DIP2C: variants seen among roughly 807,000 people sequenced by gnomAD.
DIP2C encodes DIP2 acetate--CoA ligase C (putative), also known as disco-interacting protein 2 homolog C.
In DIP2C, 33 loss-of-function variants were observed where a neutral mutation model predicts 192.4. The observed-to-expected ratio is 0.17, with a 90% CI of 0.13 to 0.23. The LOEUF (loss-of-function observed/expected upper bound fraction) is 0.23. Ranked by LOEUF, DIP2C falls within the 10% of genes least tolerant of loss-of-function variation. DIP2C has a pLI of 1.00. For missense variants in DIP2C, 1,537 were observed against 2,110.1 expected, an observed-to-expected ratio of 0.73 and a Z score of 5.32; for synonymous variants, 979 against 864.1, an observed-to-expected ratio of 1.13 and a Z score of -2.33.
Position 651,435 on chromosome 10 carries a change from C to T in DIP2C, c.85+38059G>A, listed in dbSNP as rs576601241. On this transcript the variant is annotated intron_variant, in intron 1 of 36. Coordinates refer to ENST00000280886, the MANE Select transcript of DIP2C (RefSeq NM_014974.3). The surrounding 1 kb of genome is among the most constrained non-coding windows in gnomAD (Gnocchi z 4.1). ...GACTGAATGAACAAGTATGTTAAGT[C>T]GTTAAGTAAAAATAGCAGAAGACTT... is the stretch of plus-strand genomic sequence containing the variant. 2.2e-5 allele frequency: 15 copies of T among 684,562 alleles called. No homozygotes were observed. In the East Asian group the frequency reaches 3.8e-4, roughly 17 times the overall value. The allele number at this position is 684,562 out of a possible 1,614,324, so 42.4% of individuals were successfully genotyped here. A position where few individuals can be genotyped will look rare whatever the true frequency, so the allele number is the denominator to read the frequency against.
chr10:460,731 G>C (rs978512836), intron 3 of DIP2C, among the ~76,000 whole-genome samples: 1 of 152,052 alleles, frequency 6.6e-6, no homozygotes, highest in Non-Finnish European at 1.5e-5. Flanking sequence ...CTTGAGAAAA[G>C]CAACCCCAAG....
intron 1 of DIP2C, among the ~76,000 whole-genome samples, chr10:520,020 C>A (rs559178239): frequency 5.7e-4 from 87 of 152,332 alleles, no homozygotes; most frequent in Admixed American, 1.8e-3. Context: ...GATGGTTCTC[C>A]CCAGAGCCAA....
chr10:662,073 G>A lies in DIP2C; in HGVS notation c.85+27421C>T, dbSNP rs551345401. 5 of 717,266 alleles carry A rather than the reference G, an allele frequency of 7.0e-6. 1 individual carries two copies. The South Asian group carries it at 7.4e-5, about 11-fold the overall frequency. 44.4% of individuals were successfully genotyped at this position (717,266 alleles called of 1,614,324 possible). A position where few individuals can be genotyped will look rare whatever the true frequency, so the allele number is the denominator to read the frequency against. On this transcript the variant is annotated intron_variant, in intron 1 of 36. Coordinates refer to ENST00000280886, the MANE Select transcript of DIP2C (RefSeq NM_014974.3). ...CTCCACAGCATACCGCACATCAAAG[G>A]CACGATTCTCTCCGAAGCCCTCAGT...
intron 1 of DIP2C, among the ~76,000 whole-genome samples, chr10:680,276 C>T (rs1036328670): frequency 2.6e-5 from 4 of 152,178 alleles, no homozygotes; most frequent in African/African-American, 7.2e-5. Context: ...ACCGTCCCAG[C>T]ATGCTAAAAA....
chr10:429,259 A>G (rs796594829), intron 4 of DIP2C, among the ~76,000 whole-genome samples: 421 of 2,248 alleles, frequency 0.19, 45 homozygotes, highest in Middle Eastern at 0.33. Context: ...TCCCCCCCGG[A>G]CCCTGGCTGC....
At chr10:658,618 C>T (rs1401176126) in intron 1 of DIP2C, among the ~76,000 whole-genome samples, 6 of 152,322 alleles carry the variant, frequency 3.9e-5, no homozygotes, top group East Asian at 3.9e-4. Flanking sequence ...ATTAGCCAGA[C>T]CTCCTGGCAA....
Position 369,579 on chromosome 10 carries a change from T to C in DIP2C, c.2046A>G (p.Gly682=), listed in dbSNP as rs758469279. The change falls in exon 18 of 37, where the codon GGA becomes GGG. Residue 682 remains glycine (G), a synonymous_variant. Coordinates refer to ENST00000280886, the MANE Select transcript of DIP2C (RefSeq NM_014974.3). ...CCACACGAATGACCCCATAGGTCAG[T>C]CCATGCATGGAGAGGACACCCCGGC... ...PPGRGVLSMH[G]LTYGVIRVDS... 49 of 1,612,448 alleles carry C rather than the reference T, an allele frequency of 3.0e-5. No homozygotes were observed. The highest frequency in any genetic ancestry group is 3.8e-5 in the Non-Finnish European group (45 of 1,179,236).
chr10:466,525 C>G (rs1392862755), intron 3 of DIP2C, among the ~76,000 whole-genome samples: 1 of 133,888 alleles, frequency 7.5e-6, no homozygotes, highest in African/African-American at 2.6e-5. Flanking sequence ...CAACAAAAGA[C>G]AAAATTGACA....
At chr10:619,571 G>C (rs1182229882) in intron 1 of DIP2C, among the ~76,000 whole-genome samples, 3 of 75,582 alleles carry the variant, frequency 4.0e-5, no homozygotes, top group Non-Finnish European at 8.0e-5. Flanking sequence ...ACGCACTCCC[G>C]TGCGAGCTAA....
chr10:426,619 G>C (rs1966613514), intron 4 of DIP2C, among the ~76,000 whole-genome samples: 1 of 152,206 alleles, frequency 6.6e-6, no homozygotes, highest in South Asian at 2.1e-4. Flanking sequence ...TAAAGTCACA[G>C]TAATTAAGGC....
chr10:532,106 A>C (rs1309327817), intron 1 of DIP2C, among the ~76,000 whole-genome samples: 2 of 152,082 alleles, frequency 1.3e-5, no homozygotes, highest in Non-Finnish European at 2.9e-5. Flanking sequence ...CTCCTAAACC[A>C]GAAAGCACCC....
At chr10:610,614 G>A (rs951882619) in intron 1 of DIP2C, among the ~76,000 whole-genome samples, 9 of 152,260 alleles carry the variant, frequency 5.9e-5, no homozygotes, top group African/African-American at 1.2e-4. Context: ...AATCGTTTGC[G>A]AAGCAAGTGC....
chr10:375,147 G>A (rs530437847), intron 17 of DIP2C, among the ~76,000 whole-genome samples: 2 of 152,358 alleles, frequency 1.3e-5, no homozygotes, highest in South Asian at 4.1e-4. Context: ...GTTGCCTGCA[G>A]ATCTCACGTT....
chr10:573,465 G>C (rs1253018789), intron 1 of DIP2C, among the ~76,000 whole-genome samples: 1 of 152,194 alleles, frequency 6.6e-6, no homozygotes, highest in Non-Finnish European at 1.5e-5. Flanking sequence ...CTTGACGGCA[G>C]GGGCGCCATC....
At chr10:484,793 A>G (rs1035468787) in intron 2 of DIP2C, 4 of 1,611,170 alleles carry the variant, frequency 2.5e-6, no homozygotes. Context: ...AAACGAAAGT[A>G]AAACAGAGGC....
chr10:629,266 GA>G (rs1316096597), intron 1 of DIP2C, among the ~76,000 whole-genome samples: 1 of 152,104 alleles, frequency 6.6e-6, no homozygotes, highest in Admixed American at 6.5e-5. Flanking sequence ...CGGCTGTGAG[GA>G]TCCCTCTCCT....
intron 1 of DIP2C, among the ~76,000 whole-genome samples, chr10:678,699 TTCTCCCC>T (rs1564335207): frequency 1.4e-3 from 19 of 13,858 alleles, no homozygotes; most frequent in African/African-American, 2.0e-3. Flanking sequence ...CCCACACCCG[TTCTCCCC>T]ACGCCCATGC....
intron 9 of DIP2C, among the ~76,000 whole-genome samples, chr10:407,468 C>G (rs1589722692): frequency 6.6e-6 from 1 of 152,198 alleles, no homozygotes; most frequent in East Asian, 1.9e-4. Flanking sequence ...ACTGCTGGAT[C>G]ACACAGTAAT....
intron 1 of DIP2C, among the ~76,000 whole-genome samples, chr10:497,718 G>T (rs1240256381): frequency 6.6e-6 from 1 of 152,156 alleles, no homozygotes; most frequent in African/African-American, 2.4e-5. Context: ...GTAATGTTAG[G>T]GCACCTGGCT....
Sources: gnomAD v4.1 joint callset for allele counts (sites outside exome capture counted in the v4.1 genomes callset) on GRCh38, gnomAD v4.1.1 for gene constraint, Gnocchi (gnomAD v3.1) non-coding constraint, MANE v1.5 for transcripts, NCBI Gene and HGNC (gene_info 2026-07-23, HGNC 2026-07-21) for gene names.